The following MUC12 variants were observed in gnomAD, a reference collection of about 807,000 sequenced individuals.
MUC12 encodes mucin-12.
MUC12 carries 172 observed loss-of-function variants against 230.8 expected under a neutral mutation model. The ratio of observed to expected loss-of-function variants is 0.75; its 90% CI spans 0.66 to 0.85. The LOEUF (loss-of-function observed/expected upper bound fraction) is 0.85, where lower values mean the gene tolerates loss of function less well. Among genes scored for constraint, MUC12 ranks in the 40% least tolerant of loss-of-function variants. MUC12 has a pLI of 0.00. For missense variants in MUC12, 3,506 were observed against 5,920.6 expected (o/e 0.59, Z 13.38); for synonymous variants, 1,259 against 2,401.9 (o/e 0.52, Z 13.91).
chr7:100,995,615 A>C lies in MUC12; in HGVS notation c.5052A>C (p.Gly1684=), dbSNP rs1391799897. 6.5e-7 allele frequency: 1 copy of C among 1,536,920 alleles called. No individual in the cohort carries two copies. The highest frequency in any genetic ancestry group is 2.0e-5 in the Admixed American group (1 of 50,966). ...LSPAGSTTRQ[G]ESTTFQSWPS... ...CTGCCGGCTCTACAACACGTCAGGG[A>C]GAATCTACCACCTTCCAGAGCTGGC... Residue 1684 remains glycine, a synonymous_variant, in exon 2 of 12, where the codon GGA becomes GGC. Transcript: ENST00000536621.
At chr7:101,012,954 G>A in intron 7 of MUC12, 26 bp from the exon 8 acceptor site, 1 of 1,537,292 alleles carries the variant, frequency 6.5e-7, no homozygotes, top group Non-Finnish European at 8.7e-7. Context: ...CCAGGCTCAT[G>A]CATGCTGCCC....
rs547907596 is a variant in MUC12, at chr7:100,991,035, A to G, written c.472A>G (p.Ser158Gly). 8.5e-6 allele frequency: 13 copies of G among 1,537,852 alleles called. No individual in the cohort carries two copies. Among genetic ancestry groups the G allele is most frequent in the Middle Eastern group, 3.3e-4 (2 of 5,996 alleles). ...AACACTCTCACCTGCCCGCACGACA[A>G]GCTCAGGCGTCAGTGAAAAATCAAC... is the stretch of plus-strand genomic sequence containing the variant. ...DRTLSPARTT[S>G]SGVSEKSTTS... Residue 158 changes from serine (S) to glycine (G), a missense_variant, in exon 2 of 12, where the codon AGC becomes GGC. Physicochemically the swap from Ser to Gly is moderately conservative, Grantham distance 56 (BLOSUM62 0). Coordinates refer to ENST00000536621, the MANE Select transcript of MUC12 (RefSeq NM_001164462.2).
At chr7:101,018,503 C>A in intron 11 of MUC12, 92 bp from the exon 12 acceptor site, 4 of 929,840 alleles carry the variant, frequency 4.3e-6, no homozygotes, top group Admixed American at 2.4e-5. Flanking sequence ...CCCTGGGGTT[C>A]CCTCCTCCCC....
intron 1 of MUC12, among the ~76,000 whole-genome samples, chr7:100,969,895 T>G (rs1199104073): frequency 6.6e-6 from 1 of 152,304 alleles, no homozygotes; most frequent in Non-Finnish European, 1.5e-5. Context: ...TGCCTGTGGT[T>G]GTGCAGGGGA....
At position 100,978,251 on chromosome 7, in the gene MUC12, C is replaced by T. The variant is rs1055193142; in HGVS notation, c.67+8562C>T. 3.9e-5 allele frequency among the ~76,000 whole-genome samples: 6 copies of T among 152,170 alleles called. 1 individual carries two copies. Among genetic ancestry groups the T allele is most frequent in the Admixed American group, 3.9e-4 (6 of 15,282 alleles). ...GTCCATCCACCGCCATTGGTGTGTG[C>T]AGGGGTTGGGGTGGCCCCAGCTCTA... On this transcript the variant is annotated intron_variant, in intron 1 of 11. Coordinates refer to ENST00000536621, the MANE Select transcript of MUC12 (RefSeq NM_001164462.2).
At chr7:100,980,742 G>A (rs1411767854) in intron 1 of MUC12, among the ~76,000 whole-genome samples, 2 of 152,044 alleles carry the variant, frequency 1.3e-5, no homozygotes, top group African/African-American at 2.4e-5. Flanking sequence ...GGGCAAGATA[G>A]TGAGACCCCA....
At chr7:101,014,339 G>T in intron 9 of MUC12, 1 of 333,192 alleles carries the variant, frequency 3.0e-6, no homozygotes, top group Non-Finnish European at 5.4e-6. Flanking sequence ...AACAATAGAA[G>T]TTTATTTGGC....
Position 100,991,322 on chromosome 7 carries a change from C to T in MUC12, c.759C>T (p.His253=), listed in dbSNP as rs1301385639. The change falls in exon 2 of 12, where the codon CAC becomes CAT. Residue 253 remains histidine, a synonymous_variant. Coordinates refer to ENST00000536621, the MANE Select transcript of MUC12 (RefSeq NM_001164462.2). The stretch of plus-strand genomic sequence containing the variant: ...TCCTTGAAGCATCTACGCCCGTCCA[C>T]AGCAGCACTGGATCGCCACACACAA... ...SGLLEASTPV[H]SSTGSPHTTL... The T allele has an allele frequency of 6.5e-7, 1 of 1,537,718 alleles. No homozygotes were observed. The highest frequency in any genetic ancestry group is 1.4e-5 in the African/African-American group (1 of 73,020).
In MUC12 at chr7:101,004,453, A is replaced by C; in HGVS notation, c.13890A>C (p.Ser4630=). 6.6e-7 allele frequency: 1 copy of C among 1,525,692 alleles called. No individual in the cohort carries two copies. The highest frequency in any genetic ancestry group is 8.7e-7 in the Non-Finnish European group (1 of 1,143,812). The allele number at this position is 1,525,692 out of a possible 1,614,324, so 94.5% of individuals were successfully genotyped here. A position where few individuals can be genotyped will look rare whatever the true frequency, so the allele number is the denominator to read the frequency against. Residue 4630 remains serine (S), a synonymous_variant, in exon 2 of 12, where the codon TCA becomes TCC. Coordinates refer to ENST00000536621, the MANE Select transcript of MUC12 (RefSeq NM_001164462.2). ...SSTASGRSEE[S]RTSHSSTTHT... ...CAGCTTCAGGTCGTAGTGAAGAATC[A>C]AGAACTTCCCACAGCAGCACAACAC...
chr7:101,009,280 G>A (rs1793806675), intron 5 of MUC12, 121 bp downstream of exon 5: 1 of 980,004 alleles, frequency 1.0e-6, no homozygotes. Context: ...GAGTCCTGCA[G>A]CCGCTAGGGA....
At chr7:100,989,881 T>A (rs1793251895) in intron 1 of MUC12, among the ~76,000 whole-genome samples, 1 of 151,986 alleles carries the variant, frequency 6.6e-6, no homozygotes, top group Non-Finnish European at 1.5e-5. Flanking sequence ...TTAATAGAGA[T>A]GGGGTTTCAC....
chr7:101,015,328 AC>A (rs1397933838), intron 9 of MUC12: 1 of 431,174 alleles, frequency 2.3e-6, no homozygotes, highest in Non-Finnish European at 4.2e-6. Flanking sequence ...ACAGTACCTG[AC>A]CCGAAGTCAG....
chr7:100,969,825 C>G, intron 1 of MUC12, 136 bp downstream of exon 1: 1 of 1,294,038 alleles, frequency 7.7e-7, no homozygotes, highest in Non-Finnish European at 1.1e-6. Flanking sequence ...GCTGGAGACC[C>G]GTGCTGTGAC....
intron 1 of MUC12, among the ~76,000 whole-genome samples, chr7:100,985,858 G>A (rs913263182): frequency 2.0e-5 from 3 of 152,082 alleles, no homozygotes; most frequent in African/African-American, 7.2e-5. Context: ...ACGCCTGCGT[G>A]AGCCTGTTTT....
chr7:101,006,414 C>A, intron 2 of MUC12, 57 bp from the exon 3 acceptor site: 4 of 1,171,336 alleles, frequency 3.4e-6, no homozygotes, highest in Non-Finnish European at 4.9e-6. Context: ...AATGGGAGTG[C>A]GTGTTTTTGC....
intron 1 of MUC12, among the ~76,000 whole-genome samples, chr7:100,977,460 G>A (rs370990515): frequency 1.3e-5 from 2 of 151,382 alleles, no homozygotes; most frequent in South Asian, 2.1e-4. Flanking sequence ...TCTGCCTCCC[G>A]GTTCAAGCAA....
intron 1 of MUC12, among the ~76,000 whole-genome samples, chr7:100,987,292 C>T (rs1793206576): frequency 6.6e-6 from 1 of 152,086 alleles, no homozygotes; most frequent in African/African-American, 2.4e-5. Flanking sequence ...GTCTTGGACT[C>T]CTGACCTCAA....
At position 101,005,331 on chromosome 7, in the gene MUC12, G is replaced by T. The variant is rs375163892; in HGVS notation, c.14768G>T (p.Arg4923Leu). ...DATGTTPLPA[R>L]STASDLVGEP... ...ACTGGAACAACACCCTTACCTGCCCGCTCCACAGCCTCAGACCTTGTTGGA... is the reference window on the plus strand; with the variant it reads ...ACTGGAACAACACCCTTACCTGCCCTCTCCACAGCCTCAGACCTTGTTGGA... The change falls in exon 2 of 12, where the codon CGC becomes CTC. Residue 4923 changes from arginine to leucine, a missense_variant. Physicochemically the swap from Arg to Leu is moderately radical, Grantham distance 102. Coordinates refer to ENST00000536621, the MANE Select transcript of MUC12 (RefSeq NM_001164462.2). 1.3e-6 allele frequency: 2 copies of T among 1,537,684 alleles called. No homozygotes were observed. Among genetic ancestry groups the T allele is most frequent in the African/African-American group, 2.7e-5 (2 of 72,988 alleles).
At chr7:101,017,812 T>G in intron 11 of MUC12, 149 bp downstream of exon 11, 1 of 417,948 alleles carries the variant, frequency 2.4e-6, no homozygotes, top group Non-Finnish European at 4.0e-6. Flanking sequence ...CCCTTTCCCT[T>G]CCCCCTGGGA....
Sources: gnomAD v4.1 joint callset for allele counts (sites outside exome capture counted in the v4.1 genomes callset) on GRCh38, gnomAD v4.1.1 for gene constraint, MANE v1.5 for transcripts, NCBI Gene and HGNC (gene_info 2026-07-23, HGNC 2026-07-21) for gene names.